The following CDKAL1 variants were observed in gnomAD, a reference collection of about 807,000 sequenced individuals.
CDKAL1 encodes the protein threonylcarbamoyladenosine tRNA methylthiotransferase.
A neutral mutation model predicts 68.2 loss-of-function variants in CDKAL1; 32 were observed. The observed-to-expected ratio is 0.47, with a 90% CI of 0.35 to 0.63. CDKAL1 has a LOEUF of 0.63. CDKAL1 is among the 30% of genes least tolerant of loss of function. CDKAL1 has a pLI of 0.00. For missense variants in CDKAL1, 606 were observed against 696.7 expected (o/e 0.87, Z 1.47); for synonymous variants, 234 against 244.3 (o/e 0.96, Z 0.39).
At chr6:21,056,430 C>T (rs1369620718) in intron 11 of CDKAL1, among the ~76,000 whole-genome samples, 1 of 152,068 alleles carries the variant, frequency 6.6e-6, no homozygotes. Context: ...TGTGCTGAGA[C>T]GATGGGGTTT....
At chr6:20,568,380 G>C (rs1282331530) in intron 4 of CDKAL1, among the ~76,000 whole-genome samples, 1 of 152,008 alleles carries the variant, frequency 6.6e-6, no homozygotes, top group East Asian at 1.9e-4. Context: ...AAAAGTGTGG[G>C]GGACAGGTCA....
At chr6:20,792,318 T>TA (rs1426683118) in intron 8 of CDKAL1, among the ~76,000 whole-genome samples, 3 of 152,214 alleles carry the variant, frequency 2.0e-5, no homozygotes, top group Non-Finnish European at 4.4e-5. Flanking sequence ...AAACTGGGTT[T>TA]AAAACGAGGT....
chr6:20,851,019 C>T (rs1309867985), intron 9 of CDKAL1, among the ~76,000 whole-genome samples: 3 of 66,640 alleles, frequency 4.5e-5, no homozygotes, highest in Non-Finnish European at 1.1e-4. Flanking sequence ...GGTTTTCTGG[C>T]GTTTTTTTTT....
At chr6:21,089,505 A>G (rs1772885452) in intron 12 of CDKAL1, among the ~76,000 whole-genome samples, 1 of 152,146 alleles carries the variant, frequency 6.6e-6, no homozygotes, top group Non-Finnish European at 1.5e-5. Flanking sequence ...TGCAAATAGC[A>G]AATTAAAATA....
chr6:20,682,820 CTG>C (rs980769961), intron 5 of CDKAL1, among the ~76,000 whole-genome samples: 3 of 152,160 alleles, frequency 2.0e-5, no homozygotes, highest in Non-Finnish European at 4.4e-5. Context: ...TCCTTCTGAA[CTG>C]TGAGCTCTTT....
chr6:20,881,207 A>G lies in CDKAL1; in HGVS notation c.742+35029A>G, dbSNP rs1336182887. Among the ~76,000 whole-genome samples, 3 of 152,188 alleles carry G rather than the reference A, an allele frequency of 2.0e-5. No individual in the cohort carries two copies. The East Asian group carries it at 5.8e-4, about 29-fold the overall frequency. On this transcript the variant is annotated intron_variant, in intron 9 of 15. Transcript: ENST00000274695. ...AAAGATTGCTGGACCCCATCCTCAGAGTCTGCGATTCAGTAGGTCTGGAGT... is the reference window on the plus strand; with the variant it reads ...AAAGATTGCTGGACCCCATCCTCAGGGTCTGCGATTCAGTAGGTCTGGAGT...
At chr6:21,007,360 CT>C (rs1767781982) in intron 11 of CDKAL1, among the ~76,000 whole-genome samples, 2 of 151,408 alleles carry the variant, frequency 1.3e-5, no homozygotes, top group African/African-American at 4.8e-5. Flanking sequence ...AGGCACTCGC[CT>C]ATAGTCCCAA....
chr6:20,805,026 A>G (rs926110565), intron 8 of CDKAL1, among the ~76,000 whole-genome samples: 2 of 152,128 alleles, frequency 1.3e-5, no homozygotes, highest in African/African-American at 2.4e-5. Flanking sequence ...CCCTGCCTCT[A>G]AAAAACAAAG....
intron 4 of CDKAL1, among the ~76,000 whole-genome samples, chr6:20,590,062 A>G (rs1765528510): frequency 6.6e-6 from 1 of 152,198 alleles, no homozygotes; most frequent in Non-Finnish European, 1.5e-5. Flanking sequence ...AAATGAAAAT[A>G]TTTAAGGTAC....
chr6:21,166,764 A>G (rs1390855038), intron 13 of CDKAL1, among the ~76,000 whole-genome samples: 1 of 152,236 alleles, frequency 6.6e-6, no homozygotes, highest in Non-Finnish European at 1.5e-5. Flanking sequence ...ATTTAAAAAA[A>G]AGCAGAGAGA....
intron 13 of CDKAL1, among the ~76,000 whole-genome samples, chr6:21,181,329 A>G (rs754021850): frequency 2.6e-5 from 4 of 152,196 alleles, no homozygotes; most frequent in Non-Finnish European, 5.9e-5. Context: ...CAATGTGGTT[A>G]TATTGGGTGT....
intron 11 of CDKAL1, among the ~76,000 whole-genome samples, chr6:21,033,972 AAGCAGCAGCAGCAGC>A (rs35161624): frequency 2.0e-5 from 3 of 151,520 alleles, no homozygotes; most frequent in African/African-American, 7.3e-5. Context: ...AATAGTGAGG[AAGCAGCAGCAGCAGC>A]AGCAGCAGCA....
chr6:20,572,211 G>C (rs930998468), intron 4 of CDKAL1, among the ~76,000 whole-genome samples: 2 of 152,152 alleles, frequency 1.3e-5, no homozygotes, highest in Non-Finnish European at 2.9e-5. Flanking sequence ...TTATTAGGCA[G>C]CAAGAGTAAG....
At chr6:20,724,158 G>A (rs550748022) in intron 5 of CDKAL1, among the ~76,000 whole-genome samples, 5 of 152,078 alleles carry the variant, frequency 3.3e-5, no homozygotes, top group East Asian at 3.9e-4. Flanking sequence ...GGCTGGTCTC[G>A]AACTCCTGAC....
intron 8 of CDKAL1, among the ~76,000 whole-genome samples, chr6:20,813,026 T>C (rs1776887955): frequency 1.3e-5 from 2 of 152,166 alleles, no homozygotes; most frequent in Admixed American, 6.6e-5. Flanking sequence ...TATATAGTTA[T>C]TATACCTCAG....
intron 6 of CDKAL1, among the ~76,000 whole-genome samples, chr6:20,745,582 T>G (rs1239940777): frequency 6.6e-6 from 1 of 152,216 alleles, no homozygotes; most frequent in African/African-American, 2.4e-5. Flanking sequence ...ATCTCACCTG[T>G]ATTCATATAT....
chr6:20,946,745 C>T (rs186666727), intron 9 of CDKAL1, among the ~76,000 whole-genome samples: 6 of 151,888 alleles, frequency 4.0e-5, no homozygotes, highest in African/African-American at 7.2e-5. Context: ...TACAGGCATG[C>T]GCCACCACGC....
chr6:20,608,363 T>C (rs898215184), intron 4 of CDKAL1, among the ~76,000 whole-genome samples: 6 of 152,200 alleles, frequency 3.9e-5, no homozygotes, highest in Non-Finnish European at 8.8e-5. Context: ...TCTACTACTT[T>C]TTAGTACTTT....
At chr6:21,206,990 G>A (rs1287842093) in intron 15 of CDKAL1, among the ~76,000 whole-genome samples, 1 of 150,230 alleles carries the variant, frequency 6.7e-6, no homozygotes, top group Non-Finnish European at 1.5e-5. Context: ...TCGGCTCACT[G>A]CCACCTTCGC....
Sources: allele counts gnomAD v4.1 joint callset (sites outside exome capture counted in the v4.1 genomes callset), GRCh38; gene constraint gnomAD v4.1.1; transcripts MANE v1.5; gene names NCBI Gene and HGNC (gene_info 2026-07-23, HGNC 2026-07-21).